The following PHLDB2 variants were observed in gnomAD, a reference collection of about 807,000 sequenced individuals.
PHLDB2 encodes the protein pleckstrin homology-like domain family B member 2.
PHLDB2 carries 71 observed loss-of-function variants against 123.6 expected under a neutral mutation model. The ratio of observed to expected loss-of-function variants is 0.57; its 90% CI spans 0.47 to 0.70. The LOEUF is 0.70. PHLDB2 is among the 30% of genes least tolerant of loss of function. The pLI is 0.00. For synonymous variants in PHLDB2, 547 were observed against 541.6 expected, an observed-to-expected ratio of 1.01 and a Z score of -0.14; for missense variants, 1,446 against 1,519.5, an observed-to-expected ratio of 0.95 and a Z score of 0.80.
At chr3:111,947,292 CATTT>C (rs10585712) in intron 9 of PHLDB2, among the ~76,000 whole-genome samples, 8,974 of 151,934 alleles carry the variant, frequency 0.059, 858 homozygotes, top group African/African-American at 0.2. Flanking sequence ...GTCAAAAGCA[CATTT>C]AGTTTGTTTT....
At chr3:111,972,646 C>T (rs950273684) in intron 16 of PHLDB2, among the ~76,000 whole-genome samples, 5 of 138,308 alleles carry the variant, frequency 3.6e-5, no homozygotes, top group South Asian at 2.4e-4. Context: ...TCATTCTATT[C>T]GTACCCTATT....
At chr3:111,835,162 T>C (rs1007932467) in intron 1 of PHLDB2, among the ~76,000 whole-genome samples, 6 of 152,112 alleles carry the variant, frequency 3.9e-5, no homozygotes, top group African/African-American at 1.2e-4. Context: ...CTTATATCAG[T>C]TTCAGAGTTT....
upstream of PHLDB2, among the ~76,000 whole-genome samples, chr3:111,858,589 C>G (rs542088627): frequency 6.6e-5 from 10 of 152,172 alleles, no homozygotes; most frequent in South Asian, 1.2e-3. Flanking sequence ...TGACGGTATA[C>G]TGAGTTCTGC....
At chr3:111,858,697 T>A (rs1039054411), upstream of PHLDB2, among the ~76,000 whole-genome samples, 11 of 152,188 alleles carry the variant, frequency 7.2e-5, no homozygotes, top group African/African-American at 2.7e-4. Context: ...GAAGAAATTG[T>A]TGCTGGGAGC....
At chr3:111,755,000 C>T in intron 1 of PHLDB2, among the ~76,000 whole-genome samples, 1 of 152,028 alleles carries the variant, frequency 6.6e-6, no homozygotes, top group African/African-American at 2.4e-5. Flanking sequence ...AGGGATGAAG[C>T]CCACTTGATC....
chr3:111,896,357 C>G lies in PHLDB2; in HGVS notation c.1335+10945C>G, dbSNP rs536382745. Among the ~76,000 whole-genome samples the G allele has an allele frequency of 2.5e-4, 37 of 150,606 alleles. 1 individual carries two copies. The South Asian group carries it at 2.9e-3, about 12-fold the overall frequency. On this transcript the variant is annotated intron_variant, in intron 2 of 17. Coordinates refer to ENST00000431670, the MANE Select transcript of PHLDB2 (RefSeq NM_001134438.2). ...GCTGGCTAATTCTTTTTTCTTCCCC[C>G]GCCCCGAGACGGAGTCTCCCTCTGT...
chr3:111,967,878 C>T, intron 15 of PHLDB2, 54 bp downstream of exon 15: 2 of 1,456,782 alleles, frequency 1.4e-6, no homozygotes, highest in Non-Finnish European at 9.2e-7. Flanking sequence ...GTGGCAGTTC[C>T]TAGAAGACAG....
Position 111,976,382 on chromosome 3 carries a change from G to A in PHLDB2, c.*1819G>A, listed in dbSNP as rs1422391566. On this transcript the variant is annotated 3_prime_UTR_variant, in exon 18 of 18. Coordinates refer to ENST00000431670, the MANE Select transcript of PHLDB2 (RefSeq NM_001134438.2). ...TTGTGTGCTAACATTATGATTTGTA[G>A]TGTATAAACTGAAGTATTCCAATAG... 6.6e-6 allele frequency: 1 copy of A among 152,168 alleles called. No individual in the cohort carries two copies. Among genetic ancestry groups the A allele is most frequent in the African/African-American group, 2.4e-5 (1 of 41,452 alleles). 9.4% of individuals were successfully genotyped at this position (152,168 alleles called of 1,614,324 possible). A position where few individuals can be genotyped will look rare whatever the true frequency, so the allele number is the denominator to read the frequency against.
intron 12 of PHLDB2, chr3:111,957,219 T>A (rs1447475242): frequency 6.6e-6 from 1 of 152,648 alleles, no homozygotes; most frequent in African/African-American, 2.4e-5. Flanking sequence ...TGTCCTTTTG[T>A]TTTTTGTTAA....
rs538307151 is a variant in PHLDB2 at position 111,778,381 on chromosome 3, A to G, written c.-49+45678A>G. ...GCTTCCCTCATAGCCTTCAGAAGAA[A>G]CCAACTTTGCCAACACCTTGATTTC... On this transcript the variant is annotated intron_variant, in intron 1 of 17. Coordinates refer to the PHLDB2 transcript ENST00000393923. The G allele has an allele frequency of 8.5e-5, 13 of 152,170 alleles. No homozygotes were observed. The East Asian group carries it at 2.3e-3, about 27-fold the overall frequency. The allele number at this position is 152,170 out of a possible 1,614,324, so 9.4% of individuals were successfully genotyped here. A position where few individuals can be genotyped will look rare whatever the true frequency, so the allele number is the denominator to read the frequency against.
At chr3:111,905,961 T>A (rs1272662574) in intron 2 of PHLDB2, among the ~76,000 whole-genome samples, 1 of 152,238 alleles carries the variant, frequency 6.6e-6, no homozygotes, top group Non-Finnish European at 1.5e-5. Context: ...TGTGTGCAGA[T>A]ATTTTATTTT....
chr3:111,968,681 G>A (rs2107684975), intron 15 of PHLDB2, among the ~76,000 whole-genome samples: 1 of 152,152 alleles, frequency 6.6e-6, no homozygotes. Context: ...TATGCTTTGA[G>A]GTATCAGTAA....
chr3:111,758,103 C>T (rs1379183477), intron 1 of PHLDB2, among the ~76,000 whole-genome samples: 4 of 152,094 alleles, frequency 2.6e-5, no homozygotes, highest in Admixed American at 2.0e-4. Context: ...TCTCCAGCTG[C>T]GTGCTGGGAG....
At chr3:111,739,002 C>T (rs2059555011) in intron 1 of PHLDB2, among the ~76,000 whole-genome samples, 1 of 152,108 alleles carries the variant, frequency 6.6e-6, no homozygotes, top group South Asian at 2.1e-4. Context: ...CTTTCGTGGC[C>T]TCAATTTTCT....
At chr3:111,796,163 G>T (rs183188106) in intron 1 of PHLDB2, among the ~76,000 whole-genome samples, 58 of 152,296 alleles carry the variant, frequency 3.8e-4, no homozygotes, top group African/African-American at 1.2e-3. Context: ...TTCCCAAAGT[G>T]CTGGGATTAC....
At chr3:111,926,943 T>C (rs2068846225) in intron 5 of PHLDB2, among the ~76,000 whole-genome samples, 1 of 152,174 alleles carries the variant, frequency 6.6e-6, no homozygotes, top group South Asian at 2.1e-4. Context: ...TTTCAGAATA[T>C]TCCAATATCC....
intron 1 of PHLDB2, among the ~76,000 whole-genome samples, chr3:111,877,539 A>T (rs1385270001): frequency 6.6e-6 from 1 of 152,142 alleles, no homozygotes; most frequent in Non-Finnish European, 1.5e-5. Context: ...TGATAATAGT[A>T]TCTTTTGCTG....
chr3:111,733,109 T>C (rs1168417463), intron 1 of PHLDB2, among the ~76,000 whole-genome samples: 1 of 152,210 alleles, frequency 6.6e-6, no homozygotes, highest in Non-Finnish European at 1.5e-5. Context: ...TACTGTAGTA[T>C]ATGGTATAGA....
chr3:111,847,050 T>TC (rs950293260), intron 2 of PHLDB2, among the ~76,000 whole-genome samples: 1 of 152,062 alleles, frequency 6.6e-6, no homozygotes, highest in Non-Finnish European at 1.5e-5. Context: ...ACTGGAATGC[T>TC]CCCTCCTTGC....
Sources: allele counts gnomAD v4.1 joint callset (sites outside exome capture counted in the v4.1 genomes callset), GRCh38; gene constraint gnomAD v4.1.1; transcripts MANE v1.5; gene names NCBI Gene and HGNC (gene_info 2026-07-23, HGNC 2026-07-21).